The following ABLIM2 variants were observed in gnomAD, a reference collection of about 807,000 sequenced individuals.
The protein encoded by ABLIM2 is actin binding LIM protein family member 2, also known as actin-binding LIM protein 2.
ABLIM2 carries 53 observed loss-of-function variants against 97.7 expected under a neutral mutation model. The ratio of observed to expected loss-of-function variants is 0.54; its 90% confidence interval spans 0.44 to 0.68. ABLIM2 has a LOEUF of 0.68. Ranked by LOEUF, ABLIM2 falls within the 30% of genes least tolerant of loss-of-function variation. ABLIM2 has a pLI of 0.00. For missense variants in ABLIM2, 835 were observed against 867.2 expected (o/e 0.96, Z 0.47); for synonymous variants, 361 against 345.8 (o/e 1.04, Z -0.49).
rs372286147 is a variant in ABLIM2 at position 8,072,636 on chromosome 4, C to T, written c.675+4992G>A. Among the ~76,000 whole-genome samples the T allele has an allele frequency of 1.3e-5, 2 of 152,222 alleles. No homozygotes were observed. The highest frequency in any genetic ancestry group is 2.1e-4 in the South Asian group (1 of 4,834). The stretch of plus-strand genomic sequence containing the variant: ...AAGACAAAGGGTTGGGGGAAACCTG[C>T]GCACCCCGGGCTCCAGTCTGGCTCT... On this transcript the variant is annotated intron_variant, in intron 6 of 20. Coordinates refer to ENST00000447017, the MANE Select transcript of ABLIM2 (RefSeq NM_001130083.2). The surrounding 1 kb of genome is among the most constrained non-coding windows in gnomAD (Gnocchi z 5.8).
intron 12 of ABLIM2, 151 bp downstream of exon 12, chr4:8,027,608 G>A: frequency 1.9e-6 from 1 of 522,272 alleles, no homozygotes; most frequent in Non-Finnish European, 3.2e-6. Flanking sequence ...TGGACACACG[G>A]AGCCAGACAC....
intron 9 of ABLIM2, among the ~76,000 whole-genome samples, chr4:8,041,911 GA>G (rs58412726): frequency 7.6e-4 from 113 of 147,922 alleles, no homozygotes; most frequent in African/African-American, 2.6e-3. Flanking sequence ...TTCAAAAAAA[GA>G]AAAAAAAAAG....
chr4:8,049,610 G>A lies in ABLIM2; in HGVS notation c.823-4369C>T, dbSNP rs562188010. Among the ~76,000 whole-genome samples the A allele has an allele frequency of 8.0e-4, 122 of 152,294 alleles. 1 individual carries two copies. Among genetic ancestry groups the A allele is most frequent in the Non-Finnish European group, 1.4e-3 (94 of 68,028 alleles). On this transcript the variant is annotated intron_variant, in intron 8 of 20. Coordinates refer to ENST00000447017, the MANE Select transcript of ABLIM2 (RefSeq NM_001130083.2). ...TTAAGTCTGATGAGAAACATTTACA[G>A]TCTATTCTCTCTGAAGCCTGCTACC... is the stretch of plus-strand genomic sequence containing the variant.
At chr4:7,990,841 C>T (rs776837897) in intron 17 of ABLIM2, among the ~76,000 whole-genome samples, 4 of 151,994 alleles carry the variant, frequency 2.6e-5, no homozygotes, top group South Asian at 2.1e-4. Context: ...ACATAAAAGT[C>T]GTAGAAAGAG....
At chr4:8,081,984 C>CGAATATGTCTGCACGTGA (rs1820151554) in intron 4 of ABLIM2, among the ~76,000 whole-genome samples, 1 of 152,040 alleles carries the variant, frequency 6.6e-6, no homozygotes, top group Non-Finnish European at 1.5e-5. Flanking sequence ...TCTGCATGTG[C>CGAATATGTCTGCACGTGA]GAATATGTCT....
At chr4:8,142,612 A>T (rs1344232081) in intron 1 of ABLIM2, among the ~76,000 whole-genome samples, 1 of 152,198 alleles carries the variant, frequency 6.6e-6, no homozygotes, top group African/African-American at 2.4e-5. Context: ...CACTGGGGTC[A>T]GCTGCTGAAT....
At position 8,027,849 on chromosome 4, in the gene ABLIM2, C is replaced by A; in HGVS notation, c.1177G>T (p.Val393Leu). The part of the protein sequence containing the change: ...PQHYSRPAGT[V>L]SVGTSSCLSL... ...AGGCAGCTACTGGTACCCACACTCA[C>A]AGTACCAGCTACGGGGTAACAGAGA... The change falls in exon 12 of 21, where the codon GTG becomes TTG. Residue 393 changes from valine (V) to leucine (L), a missense_variant. Transcript: ENST00000447017. 6.3e-7 allele frequency: 1 copy of A among 1,592,256 alleles called. No individual in the cohort carries two copies.
rs1790309826 is a variant in ABLIM2, at chr4:8,043,819, C to T, written c.900+1345G>A. ...TGGGCAGGCGCTGTGCTCACTGCCA[C>T]CCAGGCAGCGCCTCAGTGAGCCCTG... On this transcript the variant is annotated intron_variant, in intron 9 of 20. Coordinates refer to ENST00000447017, the MANE Select transcript of ABLIM2 (RefSeq NM_001130083.2). This position sits in a 1 kb window ranked among gnomAD's most constrained non-coding sequence, Gnocchi z 4.8. 6.6e-6 allele frequency among the ~76,000 whole-genome samples: 1 copy of T among 152,238 alleles called. No individual in the cohort carries two copies. The highest frequency in any genetic ancestry group is 1.5e-5 in the Non-Finnish European group (1 of 68,046).
chr4:8,086,246 G>A (rs530829105), intron 4 of ABLIM2, among the ~76,000 whole-genome samples: 1 of 149,748 alleles, frequency 6.7e-6, no homozygotes, highest in African/African-American at 2.5e-5. Context: ...CATTTGGAGA[G>A]GGCACAGCCT....
At chr4:8,115,148 T>C (rs1175610980) in intron 1 of ABLIM2, among the ~76,000 whole-genome samples, 4 of 152,126 alleles carry the variant, frequency 2.6e-5, no homozygotes, top group Non-Finnish European at 5.9e-5. Context: ...ATGAAACTGA[T>C]TATGGGAAAA....
Position 8,128,842 on chromosome 4 carries a change from G to C in ABLIM2, c.11-22205C>G, listed in dbSNP as rs1002694748. ...CTGCCTCGCTCTTTCTACCACATGA[G>C]GGTGCGAGGAAAAGGCGGCTGTCTG... On this transcript the variant is annotated intron_variant, in intron 1 of 20. Coordinates refer to ENST00000447017, the MANE Select transcript of ABLIM2 (RefSeq NM_001130083.2). The surrounding 1 kb of genome is among the most constrained non-coding windows in gnomAD (Gnocchi z 4.9). 6.6e-6 allele frequency among the ~76,000 whole-genome samples: 1 copy of C among 152,208 alleles called. No individual in the cohort carries two copies. The highest frequency in any genetic ancestry group is 1.5e-5 in the Non-Finnish European group (1 of 68,020).
At chr4:8,056,093 A>G (rs1249577359) in intron 7 of ABLIM2, among the ~76,000 whole-genome samples, 1 of 135,222 alleles carries the variant, frequency 7.4e-6, no homozygotes, top group East Asian at 2.3e-4. Flanking sequence ...AGCCTGGGTA[A>G]CAGAGCAAGA....
intron 8 of ABLIM2, among the ~76,000 whole-genome samples, chr4:8,052,802 C>T (rs1467701505): frequency 6.6e-6 from 1 of 152,280 alleles, no homozygotes; most frequent in African/African-American, 2.4e-5. Flanking sequence ...TTGTTCCCTG[C>T]AGGCACAGCT....
chr4:8,153,965 T>TTC (rs1275066487), intron 1 of ABLIM2, among the ~76,000 whole-genome samples: 5 of 141,386 alleles, frequency 3.5e-5, no homozygotes, highest in Non-Finnish European at 7.5e-5. Flanking sequence ...CTTCTTTTCT[T>TTC]TTTTTTTTTT....
intron 17 of ABLIM2, among the ~76,000 whole-genome samples, chr4:7,987,292 A>G (rs916175892): frequency 7.1e-6 from 1 of 139,884 alleles, no homozygotes; most frequent in Admixed American, 7.1e-5. Flanking sequence ...CTGGCTAATT[A>G]AAAAAAAAAA....
At chr4:8,134,201 C>G (rs915272682) in intron 1 of ABLIM2, among the ~76,000 whole-genome samples, 1 of 152,188 alleles carries the variant, frequency 6.6e-6, no homozygotes, top group African/African-American at 2.4e-5. Context: ...AGGGAAGCCT[C>G]GAAGGCCAGG....
At chr4:8,039,264 C>T (rs57503246) in intron 9 of ABLIM2, among the ~76,000 whole-genome samples, 12,005 of 152,204 alleles carry the variant, frequency 0.079, 564 homozygotes, top group East Asian at 0.23. Context: ...TCCCCACCTC[C>T]GTCCCCTCCA....
At chr4:8,086,771 G>C (rs1355555381) in intron 4 of ABLIM2, among the ~76,000 whole-genome samples, 1 of 151,984 alleles carries the variant, frequency 6.6e-6, no homozygotes, top group Non-Finnish European at 1.5e-5. Context: ...CAGTACTACT[G>C]TTTGTGAAGC....
At chr4:8,099,856 C>T (rs1577833285) in intron 2 of ABLIM2, among the ~76,000 whole-genome samples, 1 of 152,184 alleles carries the variant, frequency 6.6e-6, no homozygotes, top group Middle Eastern at 3.4e-3. Context: ...AAACAAAAAA[C>T]AAAACAGCAA....
Sources: allele counts gnomAD v4.1 joint callset (sites outside exome capture counted in the v4.1 genomes callset), GRCh38; gene constraint gnomAD v4.1.1; non-coding constraint Gnocchi (gnomAD v3.1); transcripts MANE v1.5; gene names NCBI Gene and HGNC (gene_info 2026-07-23, HGNC 2026-07-21).